FARS2: variants seen among roughly 807,000 people sequenced by gnomAD.
FARS2 encodes phenylalanyl-tRNA synthetase 2, mitochondrial, also known as phenylalanine--tRNA ligase, mitochondrial.
A neutral mutation model predicts 46.4 loss-of-function variants in FARS2; 40 were observed. That is an observed-to-expected ratio of 0.86 (90% CI 0.67 to 1.12). The LOEUF (loss-of-function observed/expected upper bound fraction) is 1.12. FARS2 is among the 50% of genes most tolerant of loss of function. The pLI is 0.00. For missense variants in FARS2, 513 were observed against 567.9 expected (o/e 0.90, Z 0.98); for synonymous variants, 234 against 214.9 (o/e 1.09, Z -0.78).
At chr6:5,544,479 C>A (rs1030859281) in intron 4 of FARS2, among the ~76,000 whole-genome samples, 4 of 152,186 alleles carry the variant, frequency 2.6e-5, no homozygotes, top group South Asian at 2.1e-4. Flanking sequence ...CCTTTGCCTG[C>A]CTTCATTCTG....
intron 1 of FARS2, among the ~76,000 whole-genome samples, chr6:5,332,280 G>A (rs1479031972): frequency 6.6e-6 from 1 of 152,232 alleles, no homozygotes; most frequent in East Asian, 1.9e-4. Flanking sequence ...CTTTGCAGGG[G>A]CATAGCACAT....
chr6:5,746,237 C>T (rs1242867453), intron 6 of FARS2, among the ~76,000 whole-genome samples: 3 of 152,134 alleles, frequency 2.0e-5, no homozygotes, highest in African/African-American at 7.2e-5. Context: ...TCAGAACCTG[C>T]CCTCATGAAC....
At chr6:5,276,776 G>A (rs1766366152) in intron 1 of FARS2, among the ~76,000 whole-genome samples, 1 of 152,178 alleles carries the variant, frequency 6.6e-6, no homozygotes, top group Non-Finnish European at 1.5e-5. Flanking sequence ...AGGATTAGCT[G>A]GCTGTACTAA....
intron 1 of FARS2, among the ~76,000 whole-genome samples, chr6:5,351,459 A>G (rs1757567597): frequency 6.6e-6 from 1 of 152,228 alleles, no homozygotes; most frequent in Admixed American, 6.5e-5. Context: ...TCAGTCTCCA[A>G]AACACGTATT....
chr6:5,362,000 A>T (rs1758335274), intron 1 of FARS2, among the ~76,000 whole-genome samples: 1 of 152,074 alleles, frequency 6.6e-6, no homozygotes, highest in Admixed American at 6.5e-5. Flanking sequence ...TGTGCCAAAG[A>T]ATGCTTACAG....
intron 1 of FARS2, among the ~76,000 whole-genome samples, chr6:5,274,810 A>C (rs1053600195): frequency 3.9e-5 from 6 of 152,112 alleles, no homozygotes; most frequent in Non-Finnish European, 8.8e-5. Context: ...TTCCGGGCTC[A>C]AGCAATCCTT....
At chr6:5,538,572 G>A (rs1355640247) in intron 4 of FARS2, among the ~76,000 whole-genome samples, 2 of 152,052 alleles carry the variant, frequency 1.3e-5, no homozygotes, top group African/African-American at 2.4e-5. Context: ...TCAAGAAAAG[G>A]AAGCCTTTTC....
intron 2 of FARS2, among the ~76,000 whole-genome samples, chr6:5,393,236 C>T (rs548077682): frequency 2.0e-5 from 3 of 150,746 alleles, no homozygotes; most frequent in Admixed American, 6.7e-5. Context: ...TATAGGCTAA[C>T]CATGGAATCC....
Position 5,750,011 on chromosome 6 carries a change from G to A in FARS2, c.1218-21280G>A, listed in dbSNP as rs1761855674. Among the ~76,000 whole-genome samples the A allele has an allele frequency of 2.0e-5, 3 of 152,184 alleles. 1 individual carries two copies. In the South Asian group the frequency reaches 6.2e-4, roughly 31 times the overall value. On this transcript the variant is annotated intron_variant, in intron 6 of 6. Coordinates refer to ENST00000274680, the MANE Select transcript of FARS2 (RefSeq NM_006567.5). ...TTCATTTGCCATTCACCAGGTATCT[G>A]TGGAGCCCCTCCTGTGGGCCAAACA...
At chr6:5,269,088 C>T (rs9504374) in intron 1 of FARS2, among the ~76,000 whole-genome samples, 122,380 of 152,084 alleles carry the variant, frequency 0.8, 49,800 homozygotes, top group African/African-American at 0.93. Flanking sequence ...GGAACCAACC[C>T]AAATGTCCAT....
intron 4 of FARS2, among the ~76,000 whole-genome samples, chr6:5,453,538 T>C (rs1764633615): frequency 6.6e-6 from 1 of 152,258 alleles, no homozygotes; most frequent in Non-Finnish European, 1.5e-5. Context: ...CAAAATGAGC[T>C]TTCTGACATT....
Position 5,764,866 on chromosome 6 carries a change from C to G in FARS2, c.1218-6425C>G, listed in dbSNP as rs1042214884. Among the ~76,000 whole-genome samples the G allele has an allele frequency of 1.3e-5, 2 of 152,188 alleles. No homozygotes were observed. Among genetic ancestry groups the G allele is most frequent in the Non-Finnish European group, 2.9e-5 (2 of 68,034 alleles). On this transcript the variant is annotated intron_variant, in intron 6 of 6. Coordinates refer to ENST00000274680, the MANE Select transcript of FARS2 (RefSeq NM_006567.5). This position sits in a 1 kb window ranked among gnomAD's most constrained non-coding sequence, Gnocchi z 4.1. ...CTAACACTCTGACCCCTTGTGCCAG[C>G]TTTCCAATAAGGCTTGAGAGTTCTT...
chr6:5,489,021 G>C (rs1228541896), intron 4 of FARS2, among the ~76,000 whole-genome samples: 1 of 152,074 alleles, frequency 6.6e-6, no homozygotes. Flanking sequence ...GTATGGTGGG[G>C]GTAGGCAATC....
intron 6 of FARS2, among the ~76,000 whole-genome samples, chr6:5,672,178 A>G (rs1314467370): frequency 6.6e-6 from 1 of 152,150 alleles, no homozygotes; most frequent in Non-Finnish European, 1.5e-5. Flanking sequence ...AGTCTGTGGA[A>G]TCTAAAGCGG....
At chr6:5,748,527 G>A (rs1277808695) in intron 6 of FARS2, among the ~76,000 whole-genome samples, 2 of 152,210 alleles carry the variant, frequency 1.3e-5, no homozygotes, top group East Asian at 3.8e-4. Flanking sequence ...AGGGATAAGA[G>A]TAAAAACTGA....
intron 1 of FARS2, among the ~76,000 whole-genome samples, chr6:5,347,053 A>G (rs1474926402): frequency 6.6e-6 from 1 of 151,886 alleles, no homozygotes; most frequent in Non-Finnish European, 1.5e-5. Context: ...AGCTGGGATT[A>G]CAGTCACCCA....
At chr6:5,488,865 A>G (rs1376814746) in intron 4 of FARS2, among the ~76,000 whole-genome samples, 1 of 151,960 alleles carries the variant, frequency 6.6e-6, no homozygotes, top group Non-Finnish European at 1.5e-5. Flanking sequence ...TTTCTTTTTC[A>G]GGTGTTCGGA....
intron 6 of FARS2, among the ~76,000 whole-genome samples, chr6:5,743,449 A>G (rs1761464669): frequency 6.6e-6 from 1 of 152,218 alleles, no homozygotes; most frequent in African/African-American, 2.4e-5. Context: ...CAGTGTTTGT[A>G]TTGATTTACA....
Position 5,505,299 on chromosome 6 carries a change from A to C in FARS2, c.905-39881A>C, listed in dbSNP as rs1411736801. ...CTTCGCTCTTCCAGATTGATACTTTAGTTCCTGTTGTGCCTTAGTGGTTTT... is the reference window on the plus strand; with the variant it reads ...CTTCGCTCTTCCAGATTGATACTTTCGTTCCTGTTGTGCCTTAGTGGTTTT... On this transcript the variant is annotated intron_variant, in intron 4 of 6. Coordinates refer to ENST00000274680, the MANE Select transcript of FARS2 (RefSeq NM_006567.5). Among the ~76,000 whole-genome samples the C allele has an allele frequency of 3.2e-4, 48 of 152,158 alleles. 1 individual carries two copies. Among genetic ancestry groups the C allele is most frequent in the Non-Finnish European group, 5.7e-4 (39 of 68,028 alleles).
Sources: gnomAD v4.1 joint callset for allele counts (sites outside exome capture counted in the v4.1 genomes callset) on GRCh38, gnomAD v4.1.1 for gene constraint, Gnocchi (gnomAD v3.1) non-coding constraint, MANE v1.5 for transcripts, NCBI Gene and HGNC (gene_info 2026-07-23, HGNC 2026-07-21) for gene names.